The following CDH4 variants were observed in gnomAD, a reference collection of about 807,000 sequenced individuals.
CDH4 encodes the protein cadherin-4.
In CDH4, 33 loss-of-function variants were observed where a neutral mutation model predicts 86.0. The ratio of observed to expected loss-of-function variants is 0.38; its 90% CI spans 0.29 to 0.51. The LOEUF (loss-of-function observed/expected upper bound fraction) is 0.51, where lower values mean the gene tolerates loss of function less well. Among genes scored for constraint, CDH4 ranks in the 20% least tolerant of loss-of-function variants. The pLI is 0.86. For synonymous variants in CDH4, 555 were observed against 549.4 expected (o/e 1.01, Z -0.14); for missense variants, 1,114 against 1,307.4 (o/e 0.85, Z 2.28).
At chr20:61,723,922 T>TGCGGCAGGTGG (rs2088075774) in intron 2 of CDH4, among the ~76,000 whole-genome samples, 1 of 133,440 alleles carries the variant, frequency 7.5e-6, no homozygotes. Context: ...GGAGGCTCCA[T>TGCGGCAGGTGG]GTGGCAGGGG....
At chr20:61,718,601 C>A in intron 2 of CDH4, 1 of 359,104 alleles carries the variant, frequency 2.8e-6, no homozygotes. Context: ...CAGAGCGCTG[C>A]AGGGGCTACC....
At chr20:61,403,724 A>T (rs1468307054) in intron 2 of CDH4, among the ~76,000 whole-genome samples, 2 of 151,680 alleles carry the variant, frequency 1.3e-5, no homozygotes, top group African/African-American at 4.8e-5. Flanking sequence ...CCCCTCAGGA[A>T]CTCCGTGTGT....
chr20:61,743,225 G>A (rs1447162860), intron 2 of CDH4, among the ~76,000 whole-genome samples: 1 of 152,252 alleles, frequency 6.6e-6, no homozygotes, highest in Non-Finnish European at 1.5e-5. Flanking sequence ...TATTTTTGAG[G>A]TGGAGAATAC....
At chr20:61,422,980 T>A (rs1482570379) in intron 2 of CDH4, among the ~76,000 whole-genome samples, 1 of 152,036 alleles carries the variant, frequency 6.6e-6, no homozygotes, top group African/African-American at 2.4e-5. Flanking sequence ...TTACACGGTG[T>A]GGGAGAAGCT....
At chr20:61,781,289 C>A (rs1054579214) in intron 4 of CDH4, among the ~76,000 whole-genome samples, 1 of 151,964 alleles carries the variant, frequency 6.6e-6, no homozygotes, top group South Asian at 2.1e-4. Flanking sequence ...AAAAAACTGC[C>A]CAGAGAAAGG....
rs565121209 is a variant in CDH4, at chr20:61,840,975, G to T, written c.577-3693G>T. ...AAAAACAAATTCTCTTTAAATAGGT[G>T]GTGGATTATTTTCAGCAGTCTCCTC... On this transcript the variant is annotated intron_variant, in intron 4 of 15. Coordinates refer to ENST00000614565, the MANE Select transcript of CDH4 (RefSeq NM_001794.5). 1.4e-3 allele frequency among the ~76,000 whole-genome samples: 215 copies of T among 152,348 alleles called. 2 individuals are homozygous for T. The highest frequency in any genetic ancestry group is 1.2e-4 in the Non-Finnish European group (8 of 68,036).
chr20:61,726,621 C>T (rs1600918212), intron 2 of CDH4, among the ~76,000 whole-genome samples: 1 of 151,880 alleles, frequency 6.6e-6, no homozygotes, highest in South Asian at 2.1e-4. Flanking sequence ...CCATCACTGC[C>T]ATCATCATCA....
chr20:61,652,941 T>A (rs1414392422), intron 2 of CDH4, among the ~76,000 whole-genome samples: 7 of 115,966 alleles, frequency 6.0e-5, no homozygotes, highest in Admixed American at 1.6e-4. Context: ...TTTATTTATT[T>A]TTTTTTTTTT....
chr20:61,910,092 C>T (rs775529184), intron 8 of CDH4, among the ~76,000 whole-genome samples: 4 of 152,230 alleles, frequency 2.6e-5, no homozygotes, highest in Admixed American at 6.5e-5. Context: ...CTGATCTGGG[C>T]GTGGCTGACA....
chr20:61,484,440 C>G (rs75732630), intron 2 of CDH4, among the ~76,000 whole-genome samples: 1 of 152,178 alleles, frequency 6.6e-6, no homozygotes, highest in African/African-American at 2.4e-5. Flanking sequence ...CGAGCTGCAT[C>G]GCTGTTTCTC....
At chr20:61,280,243 G>A (rs934770599) in intron 2 of CDH4, among the ~76,000 whole-genome samples, 1 of 152,164 alleles carries the variant, frequency 6.6e-6, no homozygotes, top group African/African-American at 2.4e-5. Context: ...ATGGTGCGGG[G>A]AGTTGCATGG....
At chr20:61,830,722 C>T (rs1016436031) in intron 4 of CDH4, among the ~76,000 whole-genome samples, 1 of 152,378 alleles carries the variant, frequency 6.6e-6, no homozygotes, top group Admixed American at 6.5e-5. Flanking sequence ...GCAGGCAGGC[C>T]CTGCAGAGCG....
chr20:61,260,691 C>T (rs1054251301), intron 2 of CDH4, among the ~76,000 whole-genome samples: 9 of 152,140 alleles, frequency 5.9e-5, no homozygotes, highest in Non-Finnish European at 1.5e-5. Context: ...TCAGGGATCC[C>T]CAAAAATGGG....
intron 8 of CDH4, 27 bp downstream of exon 8, chr20:61,895,074 C>T (rs373333908): frequency 1.7e-4 from 275 of 1,610,500 alleles, no homozygotes; most frequent in Non-Finnish European, 2.0e-4. Context: ...TGCCCAGTGA[C>T]GCATGGCCCG....
At position 61,743,803 on chromosome 20, in the gene CDH4, G is replaced by A. The variant is rs753938834; in HGVS notation, c.396+14G>A. 9 of 1,556,260 alleles carry A rather than the reference G, an allele frequency of 5.8e-6. No individual in the cohort carries two copies. Among genetic ancestry groups the A allele is most frequent in the East Asian group, 2.3e-5 (1 of 42,852 alleles). ...TCTGGACACAAGGTAAGGTGTGACC[G>A]CCCGGGTCTGCGCTGGAGTTTAGAT... On this transcript the variant is annotated intron_variant, in intron 3 of 15. Transcript: ENST00000614565.
At chr20:61,700,343 C>T (rs919467691) in intron 2 of CDH4, among the ~76,000 whole-genome samples, 4 of 152,174 alleles carry the variant, frequency 2.6e-5, no homozygotes, top group African/African-American at 9.7e-5. Flanking sequence ...AATATGCCTG[C>T]GTGGCTGGTC....
Position 61,701,580 on chromosome 20 carries a change from G to A in CDH4, c.170-41983G>A, listed in dbSNP as rs141323287. Among the ~76,000 whole-genome samples the A allele has an allele frequency of 4.2e-3, 635 of 152,344 alleles. 5 individuals are homozygous for A. The highest frequency in any genetic ancestry group is 6.6e-3 in the Non-Finnish European group (448 of 68,034). ...GGCTTCGGGTCCTCATGGGAGTGGC[G>A]TGTGCCATGGGGTGCCTTCCAGCCA... On this transcript the variant is annotated intron_variant, in intron 2 of 15. Transcript: ENST00000614565.
chr20:61,885,465 T>G (rs1260708150), intron 7 of CDH4, among the ~76,000 whole-genome samples: 11 of 152,240 alleles, frequency 7.2e-5, no homozygotes, highest in Admixed American at 5.9e-4. Flanking sequence ...TGTCTGCGTT[T>G]CATGCCTCTT....
At chr20:61,532,402 C>T (rs188697255) in intron 2 of CDH4, among the ~76,000 whole-genome samples, 25 of 152,264 alleles carry the variant, frequency 1.6e-4, no homozygotes, top group African/African-American at 5.1e-4. Context: ...AAATGGAGCC[C>T]CGTATGAAAA....
Sources: allele counts gnomAD v4.1 joint callset (sites outside exome capture counted in the v4.1 genomes callset), GRCh38; gene constraint gnomAD v4.1.1; transcripts MANE v1.5; gene names NCBI Gene and HGNC (gene_info 2026-07-23, HGNC 2026-07-21).